KIAA0825: variants seen among roughly 807,000 people sequenced by gnomAD.
The protein encoded by KIAA0825 is uncharacterized protein KIAA0825.
In KIAA0825, 119 loss-of-function variants were observed where a neutral mutation model predicts 147.6. The ratio of observed to expected loss-of-function variants is 0.81; its 90% CI spans 0.69 to 0.94. The LOEUF is 0.94. KIAA0825 is among the 40% of genes least tolerant of loss of function. The pLI is 0.00. For synonymous variants in KIAA0825, 470 were observed against 518.1 expected (o/e 0.91, Z 1.26); for missense variants, 1,381 against 1,472.7 (o/e 0.94, Z 1.02).
chr5:94,574,575 A>G (rs1780650214), intron 2 of KIAA0825, among the ~76,000 whole-genome samples: 1 of 151,474 alleles, frequency 6.6e-6, no homozygotes, highest in Non-Finnish European at 1.5e-5. Flanking sequence ...AGAAAAAAAA[A>G]GAAAGGACAT....
At chr5:94,389,111 G>A (rs926537000) in intron 18 of KIAA0825, among the ~76,000 whole-genome samples, 7 of 152,150 alleles carry the variant, frequency 4.6e-5, no homozygotes, top group Admixed American at 3.3e-4. Flanking sequence ...TGGCCAACCC[G>A]AGATCCATTC....
chr5:94,337,644 C>G (rs900872286), intron 20 of KIAA0825, among the ~76,000 whole-genome samples: 1 of 152,052 alleles, frequency 6.6e-6, no homozygotes, highest in Non-Finnish European at 1.5e-5. Context: ...GTTGGTGTAT[C>G]TGAGGAATAG....
At chr5:94,358,939 T>C (rs1052164708) in intron 20 of KIAA0825, among the ~76,000 whole-genome samples, 11 of 152,254 alleles carry the variant, frequency 7.2e-5, no homozygotes, top group Non-Finnish European at 1.5e-4. Context: ...TCTAGTTTTA[T>C]ATTCCATGCC....
At chr5:94,204,940 T>A (rs926993161) in intron 20 of KIAA0825, among the ~76,000 whole-genome samples, 1 of 151,776 alleles carries the variant, frequency 6.6e-6, no homozygotes, top group Non-Finnish European at 1.5e-5. Context: ...ACATAGATAA[T>A]CAAAGAAAAA....
At chr5:94,537,732 G>A (rs376488220) in intron 2 of KIAA0825, among the ~76,000 whole-genome samples, 10 of 151,452 alleles carry the variant, frequency 6.6e-5, no homozygotes, top group African/African-American at 2.2e-4. Context: ...TCACTATAGC[G>A]AAGAACTGTA....
intron 2 of KIAA0825, among the ~76,000 whole-genome samples, chr5:94,555,088 AC>A (rs774620037): frequency 3.5e-4 from 54 of 152,210 alleles, no homozygotes; most frequent in Non-Finnish European, 6.3e-4. Flanking sequence ...AAAAACAAAA[AC>A]AAAAAACAAA....
In KIAA0825 at chr5:94,309,313, C is replaced by T. The variant is rs149698195; in HGVS notation, c.3710+75055G>A. ...AGTGATAAGCCACAAAGAAGTGGTA[C>T]AGAGGAGGTGCTGTGAGAGTTCAGA... is the stretch of plus-strand genomic sequence containing the variant. On this transcript the variant is annotated intron_variant, in intron 20 of 20. Transcript: ENST00000682413. Among the ~76,000 whole-genome samples, 1,409 of 151,682 alleles carry T rather than the reference C, an allele frequency of 9.3e-3. 15 individuals carry two copies. Among genetic ancestry groups the T allele is most frequent in the Non-Finnish European group, 0.01 (702 of 67,710 alleles).
intron 3 of KIAA0825, among the ~76,000 whole-genome samples, chr5:94,531,414 A>G (rs376394866): frequency 6.6e-6 from 1 of 152,204 alleles, no homozygotes; most frequent in Admixed American, 6.5e-5. Flanking sequence ...CACCACCTCT[A>G]CCTGCAAGCA....
chr5:94,271,450 A>C (rs1399923028), intron 20 of KIAA0825, among the ~76,000 whole-genome samples: 1 of 152,180 alleles, frequency 6.6e-6, no homozygotes, highest in Admixed American at 6.6e-5. Flanking sequence ...AAAAATGATC[A>C]AAAGATCTGA....
At chr5:94,460,566 C>G (rs1250565250) in intron 12 of KIAA0825, among the ~76,000 whole-genome samples, 1 of 152,010 alleles carries the variant, frequency 6.6e-6, no homozygotes, top group East Asian at 1.9e-4. Flanking sequence ...TTATTAACAT[C>G]TGATTGCTAC....
At chr5:94,403,087 C>T (rs1330122322) in intron 16 of KIAA0825, among the ~76,000 whole-genome samples, 1 of 152,072 alleles carries the variant, frequency 6.6e-6, no homozygotes, top group East Asian at 1.9e-4. Flanking sequence ...CAGAAAAATA[C>T]ATGTACTTAC....
chr5:94,573,218 G>A (rs1284348717), intron 2 of KIAA0825, among the ~76,000 whole-genome samples: 1 of 151,090 alleles, frequency 6.6e-6, no homozygotes, highest in African/African-American at 2.4e-5. Context: ...TGATAGAAAG[G>A]AAATGTTCAG....
At chr5:94,553,483 G>T (rs529781440) in intron 2 of KIAA0825, among the ~76,000 whole-genome samples, 42 of 151,350 alleles carry the variant, frequency 2.8e-4, no homozygotes, top group Middle Eastern at 3.4e-3. Context: ...AATATTTACG[G>T]CTGGGCGCAG....
intron 2 of KIAA0825, among the ~76,000 whole-genome samples, chr5:94,574,886 C>T (rs749411221): frequency 6.6e-6 from 1 of 152,076 alleles, no homozygotes; most frequent in Non-Finnish European, 1.5e-5. Flanking sequence ...CTACTATACC[C>T]GGCTCTGGTT....
intron 6 of KIAA0825, among the ~76,000 whole-genome samples, chr5:94,481,858 T>C (rs1762530705): frequency 6.6e-6 from 1 of 152,048 alleles, no homozygotes; most frequent in South Asian, 2.1e-4. Context: ...CTCTTTGTCA[T>C]TGCTGGGGCT....
intron 20 of KIAA0825, among the ~76,000 whole-genome samples, chr5:94,278,849 A>G (rs923994626): frequency 2.0e-5 from 3 of 152,098 alleles, no homozygotes; most frequent in African/African-American, 4.8e-5. Flanking sequence ...CTAAATTTCA[A>G]TTCTGTTCCC....
chr5:94,591,278 T>G (rs1346498775), intron 1 of KIAA0825, among the ~76,000 whole-genome samples: 1 of 152,158 alleles, frequency 6.6e-6, no homozygotes, highest in East Asian at 1.9e-4. Flanking sequence ...GAGTAAAAAG[T>G]GAAGCTAAAA....
At chr5:94,218,345 C>G (rs898066116) in intron 20 of KIAA0825, among the ~76,000 whole-genome samples, 4 of 152,180 alleles carry the variant, frequency 2.6e-5, no homozygotes, top group Non-Finnish European at 2.9e-5. Flanking sequence ...TCCATCTAGA[C>G]TGAGTTCTAA....
intron 20 of KIAA0825, among the ~76,000 whole-genome samples, chr5:94,366,616 G>T (rs1745891084): frequency 6.6e-6 from 1 of 152,060 alleles, no homozygotes; most frequent in Non-Finnish European, 1.5e-5. Flanking sequence ...TGTGTTCCAG[G>T]CCTTGTACTA....
Sources: allele counts gnomAD v4.1 joint callset (sites outside exome capture counted in the v4.1 genomes callset), GRCh38; gene constraint gnomAD v4.1.1; transcripts MANE v1.5; gene names NCBI Gene and HGNC (gene_info 2026-07-23, HGNC 2026-07-21).